Variants in AKAP9 observed in about 807,000 individuals in gnomAD.
AKAP9 encodes A-kinase anchor protein 9.
A neutral mutation model predicts 488.5 loss-of-function variants in AKAP9; 311 were observed. That is an observed-to-expected ratio of 0.64 (90% confidence interval 0.58 to 0.70). The LOEUF (loss-of-function observed/expected upper bound fraction) is 0.70. Ranked by LOEUF, AKAP9 falls within the 30% of genes least tolerant of loss-of-function variation. The pLI, the probability that AKAP9 is intolerant of heterozygous loss-of-function variation, is 0.00. For missense variants in AKAP9, 4,215 were observed against 4,374.5 expected (o/e 0.96, Z 1.03); for synonymous variants, 1,462 against 1,483.5 (o/e 0.99, Z 0.33).
At chr7:92,102,178 T>TA (rs1446532183) in intron 45 of AKAP9, among the ~76,000 whole-genome samples, 1 of 135,696 alleles carries the variant, frequency 7.4e-6, no homozygotes, top group East Asian at 2.1e-4. Context: ...AAAAAATAAA[T>TA]AAATAAATAA....
intron 3 of AKAP9, among the ~76,000 whole-genome samples, chr7:91,987,095 A>G (rs1285293392): frequency 6.6e-6 from 1 of 152,096 alleles, no homozygotes; most frequent in Non-Finnish European, 1.5e-5. Flanking sequence ...TGGAATAAAC[A>G]GTGATTTAGA....
In AKAP9 at chr7:92,002,796, C is replaced by G; in HGVS notation, c.2879C>G (p.Ser960Cys). 1 of 1,613,658 alleles carries G rather than the reference C, an allele frequency of 6.2e-7. No homozygotes were observed. Among genetic ancestry groups the G allele is most frequent in the Non-Finnish European group, 8.5e-7 (1 of 1,179,682 alleles). Reference sequence around the variant, plus strand: ...AAATTAGAGCTGTCACAGAGACTGTCTGATCTTTCTGAACAATTGAAACAG... The same window carrying G: ...AAATTAGAGCTGTCACAGAGACTGTGTGATCTTTCTGAACAATTGAAACAG... ...REKLELSQRL[S>C]DLSEQLKQKH... The change falls in exon 8 of 50, where the codon TCT becomes TGT. Residue 960 changes from serine (S) to cysteine (C), a missense_variant. Physicochemically the swap from Ser to Cys is moderately radical, Grantham distance 112. This residue lies in a region of AKAP9 where 2,361 missense variants were observed against 2,430.0 expected (regional missense o/e 0.97). Coordinates refer to ENST00000356239, the MANE Select transcript of AKAP9 (RefSeq NM_005751.5).
chr7:92,082,499 C>A, intron 31 of AKAP9, 23 bp from the exon 32 acceptor site: 1 of 1,611,658 alleles, frequency 6.2e-7, no homozygotes, highest in Non-Finnish European at 8.5e-7. Context: ...TTATGTGTTT[C>A]TTGTGTTTCC....
chr7:92,056,279 A>G (rs564464240), intron 22 of AKAP9, among the ~76,000 whole-genome samples: 12 of 152,040 alleles, frequency 7.9e-5, no homozygotes, highest in African/African-American at 2.9e-4. Context: ...TTTTGCTTCA[A>G]ATAAGAGAAA....
chr7:91,974,072 C>T (rs1795388627), intron 2 of AKAP9, 104 bp downstream of exon 2: 1 of 1,390,946 alleles, frequency 7.2e-7, no homozygotes, highest in Admixed American at 1.8e-5. Context: ...TTTTTATGTC[C>T]TCTTGAAAGT....
intron 1 of AKAP9, among the ~76,000 whole-genome samples, chr7:91,956,763 A>T (rs1046839382): frequency 6.6e-6 from 1 of 152,204 alleles, no homozygotes; most frequent in Non-Finnish European, 1.5e-5. Flanking sequence ...GTGTGTTATA[A>T]ATTGAGACTG....
chr7:92,012,885 A>G (rs1800944545), intron 9 of AKAP9, among the ~76,000 whole-genome samples: 2 of 152,056 alleles, frequency 1.3e-5, no homozygotes, highest in Admixed American at 1.3e-4. Flanking sequence ...AGAAGAATGA[A>G]TAGAAAGAAT....
At chr7:91,955,029 AT>A (rs1014535564) in intron 1 of AKAP9, among the ~76,000 whole-genome samples, 1 of 152,206 alleles carries the variant, frequency 6.6e-6, no homozygotes, top group African/African-American at 2.4e-5. Context: ...GATTGATATG[AT>A]TATTGTATGA....
intron 46 of AKAP9, among the ~76,000 whole-genome samples, chr7:92,104,191 T>A (rs1181429971): frequency 7.4e-6 from 1 of 135,094 alleles, no homozygotes; most frequent in Non-Finnish European, 1.6e-5. Flanking sequence ...TATTTATTTA[T>A]TTTTTTTTTT....
At chr7:92,080,456 G>C (rs531620450) in intron 31 of AKAP9, among the ~76,000 whole-genome samples, 9 of 152,064 alleles carry the variant, frequency 5.9e-5, no homozygotes, top group African/African-American at 1.7e-4. Flanking sequence ...AAATTATCCG[G>C]GCGTGGTGGT....
At chr7:91,999,154 T>G (rs1352455596) in intron 7 of AKAP9, among the ~76,000 whole-genome samples, 1 of 152,062 alleles carries the variant, frequency 6.6e-6, no homozygotes, top group Non-Finnish European at 1.5e-5. Context: ...GAAGTCTGAT[T>G]TTTTTTTCCC....
At position 91,973,936 on chromosome 7, in the gene AKAP9, A is replaced by G; in HGVS notation, c.274A>G (p.Ile92Val). Residue 92 changes from isoleucine to valine, a missense_variant, in exon 2 of 50, where the codon ATA becomes GTA. Transcript: ENST00000356239. ...TIMRTLHSGE[I>V]TSHEQGFSVE... ...AATGAGAACTCTACATAGTGGAGAA[A>G]TAACCAGTCATGAGCAGGGCTTCTC... 2 of 1,614,096 alleles carry G rather than the reference A, an allele frequency of 1.2e-6. No individual in the cohort carries two copies. Among genetic ancestry groups the G allele is most frequent in the Non-Finnish European group, 8.5e-7 (1 of 1,179,998 alleles).
chr7:92,083,812 C>G, intron 33 of AKAP9, 157 bp downstream of exon 33: 3 of 696,246 alleles, frequency 4.3e-6, no homozygotes, highest in Non-Finnish European at 7.1e-6. Context: ...GTTTTAAACT[C>G]CTAGTACAAT....
In AKAP9 at chr7:92,031,602, A is replaced by C. The variant is rs140271624; in HGVS notation, c.4336A>C (p.Lys1446Gln). The C allele has an allele frequency of 2.7e-5, 43 of 1,599,980 alleles. No individual in the cohort carries two copies. The highest frequency in any genetic ancestry group is 3.5e-5 in the Non-Finnish European group (41 of 1,167,738). Residue 1446 changes from lysine to glutamine, a missense_variant and splice_region_variant, in exon 16 of 50, where the codon AAG becomes CAG. Coordinates refer to ENST00000356239, the MANE Select transcript of AKAP9 (RefSeq NM_005751.5). The part of the protein sequence containing the change: ...YQEQLEEEVA[K>Q]VIVSMSIAFA... ...AGAACAATTAGAAGAAGAAGTAGCT[A>C]AGGTAGGCTTATAGCTTATCTGGAA... is the stretch of plus-strand genomic sequence containing the variant.
intron 46 of AKAP9, among the ~76,000 whole-genome samples, chr7:92,105,123 C>T (rs1013981595): frequency 2.0e-5 from 3 of 152,128 alleles, no homozygotes; most frequent in Non-Finnish European, 4.4e-5. Flanking sequence ...TCCAAAAGCT[C>T]CTTGGGCCAA....
chr7:92,102,685 A>C lies in AKAP9; in HGVS notation c.11189A>C (p.Gln3730Pro), dbSNP rs372297197. The C allele has an allele frequency of 4.3e-6, 7 of 1,614,122 alleles. No homozygotes were observed. In the East Asian group the frequency reaches 1.6e-4, roughly 36 times the overall value. ...KYLLLLLGGF[Q>P]ECEDATLALL... ...CTGCTGCTGTTACTGGGTGGGTTCC[A>C]GGAATGTGAAGATGCCACCTTGGCC... Residue 3730 changes from glutamine (Q) to proline (P), a missense_variant, in exon 46 of 50, where the codon CAG (glutamine) becomes CCG (proline). Physicochemically the swap from Gln to Pro is moderately conservative, Grantham distance 76 (BLOSUM62 -1). This residue lies in a region of AKAP9 where 253 missense variants were observed against 266.8 expected (regional missense o/e 0.95). Coordinates refer to ENST00000356239, the MANE Select transcript of AKAP9 (RefSeq NM_005751.5).
At chr7:92,058,279 T>C in intron 22 of AKAP9, 1 of 584,818 alleles carries the variant, frequency 1.7e-6, no homozygotes, top group Non-Finnish European at 3.4e-6. Flanking sequence ...TACCACATCC[T>C]TTTCCTCTTT....
At chr7:91,975,635 G>T (rs546660819) in intron 2 of AKAP9, among the ~76,000 whole-genome samples, 1 of 151,952 alleles carries the variant, frequency 6.6e-6, no homozygotes, top group East Asian at 1.9e-4. Context: ...TTTTGTAATT[G>T]CCATAGCTGG....
intron 2 of AKAP9, among the ~76,000 whole-genome samples, chr7:91,978,609 A>G (rs1795999051): frequency 2.0e-5 from 3 of 152,188 alleles, no homozygotes; most frequent in Admixed American, 6.5e-5. Flanking sequence ...TGAAACAAGA[A>G]TGACTTTAAA....
Sources: gnomAD v4.1 joint callset for allele counts (sites outside exome capture counted in the v4.1 genomes callset) on GRCh38, gnomAD v4.1.1 for gene constraint, gnomAD v4.1.1 regional missense constraint, MANE v1.5 for transcripts, NCBI Gene and HGNC (gene_info 2026-07-23, HGNC 2026-07-21) for gene names.